Variants in MUSK observed in about 807,000 individuals in gnomAD.
MUSK encodes muscle, skeletal receptor tyrosine-protein kinase.
In MUSK, 55 loss-of-function variants were observed where a neutral mutation model predicts 88.7. The observed-to-expected ratio is 0.62, with a 90% CI of 0.50 to 0.78. The LOEUF is 0.78. Among genes scored for constraint, MUSK ranks in the 30% least tolerant of loss-of-function variants. MUSK has a pLI of 0.00. For missense variants in MUSK, 1,015 were observed against 1,074.3 expected (o/e 0.94, Z 0.77); for synonymous variants, 387 against 391.9 (o/e 0.99, Z 0.15).
rs190602564 is a variant in MUSK, at chr9:110,670,343, C to T, written c.79+1360C>T. On this transcript the variant is annotated intron_variant, in intron 1 of 14. Transcript: ENST00000374448. ...GTAAGGCCCCACCTGGATGTTTGAA[C>T]GTATGGGTTGTCTTAAGTATTATTT... is the stretch of plus-strand genomic sequence containing the variant. Among the ~76,000 whole-genome samples the T allele has an allele frequency of 4.7e-3, 711 of 152,236 alleles. 3 individuals carry two copies. The highest frequency in any genetic ancestry group is 7.5e-3 in the Non-Finnish European group (513 of 68,010).
chr9:110,695,389 T>C lies in MUSK; in HGVS notation c.359-14T>C. ...ATATTGCCTTATTTATTTTGAATTTTCATTTCTTTTTAGAACCTAAAATAA... is the reference window on the plus strand; with the variant it reads ...ATATTGCCTTATTTATTTTGAATTTCCATTTCTTTTTAGAACCTAAAATAA... On this transcript the variant is annotated splice_polypyrimidine_tract_variant and intron_variant, in intron 3 of 14. Coordinates refer to ENST00000374448, the MANE Select transcript of MUSK (RefSeq NM_005592.4). 1 of 1,456,526 alleles carries C rather than the reference T, an allele frequency of 6.9e-7. No homozygotes were observed. The highest frequency in any genetic ancestry group is 9.2e-7 in the Non-Finnish European group (1 of 1,081,342). The allele number at this position is 1,456,526 out of a possible 1,614,324, so 90.2% of individuals were successfully genotyped here. A position where few individuals can be genotyped will look rare whatever the true frequency, so the allele number is the denominator to read the frequency against.
intron 7 of MUSK, among the ~76,000 whole-genome samples, chr9:110,761,741 A>AT (rs1448601703): frequency 1.3e-5 from 2 of 151,278 alleles, no homozygotes; most frequent in African/African-American, 4.9e-5. Context: ...CGCCCGGCTA[A>AT]TTTTTTGTAT....
Position 110,800,478 on chromosome 9 carries a change from T to C in MUSK, c.2100T>C (p.Ala700=), listed in dbSNP as rs754070484. 6.2e-7 allele frequency: 1 copy of C among 1,613,936 alleles called. No individual in the cohort carries two copies. The highest frequency in any genetic ancestry group is 8.5e-7 in the Non-Finnish European group (1 of 1,179,874). The change falls in exon 15 of 15, where the codon GCT becomes GCC. Residue 700 remains alanine (A), a synonymous_variant. Transcript: ENST00000374448. ...SSPGPPPLSC[A]EQLCIARQVA... is the part of the protein sequence containing the mutation. ...CTGGGCCCCCACCCCTCTCCTGTGCTGAGCAGCTTTGCATTGCCAGGCAGG... is the reference window on the plus strand; with the variant it reads ...CTGGGCCCCCACCCCTCTCCTGTGCCGAGCAGCTTTGCATTGCCAGGCAGG...
chr9:110,763,323 G>C (rs1458128652), intron 8 of MUSK, among the ~76,000 whole-genome samples: 1 of 152,114 alleles, frequency 6.6e-6, no homozygotes, highest in Non-Finnish European at 1.5e-5. Flanking sequence ...AAAATTCTGA[G>C]TCCATTTTTT....
chr9:110,726,528 A>G (rs1412936475), intron 5 of MUSK, among the ~76,000 whole-genome samples: 1 of 151,994 alleles, frequency 6.6e-6, no homozygotes, highest in South Asian at 2.1e-4. Flanking sequence ...GACAAAGAAC[A>G]CTCTAAGAGA....
chr9:110,689,947 TAA>T (rs1490435053), intron 3 of MUSK, among the ~76,000 whole-genome samples: 16 of 91,078 alleles, frequency 1.8e-4, no homozygotes, highest in Non-Finnish European at 2.6e-4. Context: ...AATATATATT[TAA>T]ATATAAATAT....
At chr9:110,689,769 ATCAC>A (rs1363907972) in intron 3 of MUSK, among the ~76,000 whole-genome samples, 22 of 49,874 alleles carry the variant, frequency 4.4e-4, no homozygotes, top group Non-Finnish European at 7.4e-4. Context: ...AACTATATAT[ATCAC>A]ATATAGTTTA....
intron 7 of MUSK, among the ~76,000 whole-genome samples, chr9:110,752,114 G>A (rs2077255736): frequency 6.6e-6 from 1 of 152,106 alleles, no homozygotes; most frequent in African/African-American, 2.4e-5. Context: ...TCCCGAGGCA[G>A]ACCTAATAAG....
Position 110,728,707 on chromosome 9 carries a change from A to G in MUSK, c.629-5544A>G, listed in dbSNP as rs368599855. 162 of 1,582,522 alleles carry G rather than the reference A, an allele frequency of 1.0e-4. No individual in the cohort carries two copies. The African/African-American group carries it at 2.1e-3, about 21-fold the overall frequency. On this transcript the variant is annotated intron_variant, in intron 5 of 14. Transcript: ENST00000374448. ...TAACAGAAGAAAGTGAACCCGAACA[A>G]GATACTAAAGGTATTTTTTTTTCTT... is the stretch of plus-strand genomic sequence containing the variant.
rs78127863 is a variant in MUSK at position 110,801,407 on chromosome 9, C to T, written c.*419C>T. 0.052 allele frequency: 8,079 copies of T among 154,834 alleles called. 756 individuals carry two copies. The highest frequency in any genetic ancestry group is 0.18 in the African/African-American group (7,634 of 41,604). The allele number at this position is 154,834 out of a possible 1,614,324, so 9.6% of individuals were successfully genotyped here. A position where few individuals can be genotyped will look rare whatever the true frequency, so the allele number is the denominator to read the frequency against. Reference sequence around the variant, plus strand: ...CTGTCCATTGTGAAAGTAGCTTAATCGTCATGTAAGACACTTAGGTGAAGT... The same window carrying T: ...CTGTCCATTGTGAAAGTAGCTTAATTGTCATGTAAGACACTTAGGTGAAGT... On this transcript the variant is annotated 3_prime_UTR_variant, in exon 15 of 15. Coordinates refer to ENST00000374448, the MANE Select transcript of MUSK (RefSeq NM_005592.4).
chr9:110,800,232 T>TG, intron 14 of MUSK, 74 bp from the exon 15 acceptor site: 1 of 1,341,904 alleles, frequency 7.5e-7, no homozygotes, highest in Non-Finnish European at 1.0e-6. Flanking sequence ...GACATGGTCG[T>TG]TTGCTTTTGG....
chr9:110,718,369 ATACTC>A (rs1426361373), intron 5 of MUSK, among the ~76,000 whole-genome samples: 2 of 152,010 alleles, frequency 1.3e-5, no homozygotes, highest in Admixed American at 1.3e-4. Context: ...CAGAGGAACT[ATACTC>A]TACTTTTCCA....
At chr9:110,689,723 T>TATATAAATATATAACTATATATAGTTAG in intron 3 of MUSK, among the ~76,000 whole-genome samples, 1 of 75,864 alleles carries the variant, frequency 1.3e-5, no homozygotes, top group Non-Finnish European at 2.1e-5. Flanking sequence ...ATATATGTTA[T>TATATAAATATATAACTATATATAGTTAG]ATATAGTTTA....
intron 5 of MUSK, among the ~76,000 whole-genome samples, chr9:110,731,797 T>C (rs1196148025): frequency 6.6e-6 from 1 of 152,098 alleles, no homozygotes; most frequent in Admixed American, 6.6e-5. Context: ...TCACGTTGAA[T>C]TGACTCTGTT....
At chr9:110,771,255 T>A (rs1034697071) in intron 9 of MUSK, among the ~76,000 whole-genome samples, 5 of 142,324 alleles carry the variant, frequency 3.5e-5, no homozygotes, top group Admixed American at 2.3e-4. Flanking sequence ...TGTCACCAGG[T>A]ATTTTTGTAT....
rs572132299 is a variant in MUSK, at chr9:110,700,623, A to C, written c.628+3157A>C. ...TGCATTGCAAGATTTCTCTTCGAAA[A>C]ATATTGAAATGTAAAAAAATTTAAA... On this transcript the variant is annotated intron_variant, in intron 5 of 14. Transcript: ENST00000374448. Among the ~76,000 whole-genome samples the C allele has an allele frequency of 2.6e-5, 4 of 152,302 alleles. No individual in the cohort carries two copies. The South Asian group carries it at 8.3e-4, about 32-fold the overall frequency.
chr9:110,773,319 G>C (rs554133030), intron 9 of MUSK, among the ~76,000 whole-genome samples: 3 of 152,012 alleles, frequency 2.0e-5, no homozygotes, highest in Admixed American at 2.0e-4. Context: ...ACTTAATTAA[G>C]TTAGCATAAT....
chr9:110,710,390 C>T (rs1386050758), intron 5 of MUSK, among the ~76,000 whole-genome samples: 1 of 152,132 alleles, frequency 6.6e-6, no homozygotes, highest in East Asian at 1.9e-4. Context: ...AGTGTCTATG[C>T]AGTAGCTCTT....
At chr9:110,689,679 ATAACTATATATAGTTATAT>A in intron 3 of MUSK, among the ~76,000 whole-genome samples, 1 of 71,894 alleles carries the variant, frequency 1.4e-5, no homozygotes, top group East Asian at 3.1e-4. Flanking sequence ...TATATTATAT[ATAACTATATATAGTTATAT>A]ATAAATATAT....
Sources: allele counts gnomAD v4.1 joint callset (sites outside exome capture counted in the v4.1 genomes callset), GRCh38; gene constraint gnomAD v4.1.1; transcripts MANE v1.5; gene names NCBI Gene and HGNC (gene_info 2026-07-23, HGNC 2026-07-21).